Variants in HDAC4 observed in about 807,000 individuals in gnomAD.
HDAC4 encodes histone deacetylase 4, also known as histone deacetylase A.
A neutral mutation model predicts 135.1 loss-of-function variants in HDAC4; 16 were observed. That is an observed-to-expected ratio of 0.12 (90% CI 0.08 to 0.18). HDAC4 has a LOEUF of 0.18. HDAC4 is among the 10% of genes least tolerant of loss of function. The probability of loss-of-function intolerance (pLI) is 1.00; values close to 1 mark genes in which losing one functional copy is unlikely to be tolerated. For missense variants in HDAC4, 1,143 were observed against 1,511.8 expected (o/e 0.76, Z 4.05); for synonymous variants, 685 against 653.4 (o/e 1.05, Z -0.74).
intron 3 of HDAC4, among the ~76,000 whole-genome samples, chr2:239,197,474 C>T (rs543417340): frequency 4.8e-4 from 73 of 152,292 alleles, no homozygotes; most frequent in African/African-American, 1.7e-3. Flanking sequence ...CGGCAGCTCC[C>T]GTGCTCCCAT....
chr2:239,379,113 A>T (rs137899601), intron 1 of HDAC4, among the ~76,000 whole-genome samples: 42 of 152,318 alleles, frequency 2.8e-4, no homozygotes, highest in Middle Eastern at 3.4e-3. Context: ...CAGAAGTGAC[A>T]GGGAGCCCAG....
At chr2:239,100,381 C>A (rs190271814) in intron 16 of HDAC4, among the ~76,000 whole-genome samples, 15 of 152,336 alleles carry the variant, frequency 9.8e-5, no homozygotes, top group Non-Finnish European at 1.5e-4. Flanking sequence ...TCTTTTTCTG[C>A]GGTCAGGTGT....
At chr2:239,122,313 C>T (rs1191864996) in intron 12 of HDAC4, among the ~76,000 whole-genome samples, 3 of 152,200 alleles carry the variant, frequency 2.0e-5, no homozygotes, top group Non-Finnish European at 2.9e-5. Flanking sequence ...GTGGAGGACA[C>T]CTTCCAACGA....
intron 2 of HDAC4, among the ~76,000 whole-genome samples, chr2:239,243,644 T>C (rs2048316357): frequency 6.6e-6 from 1 of 152,222 alleles, no homozygotes; most frequent in South Asian, 2.1e-4. Flanking sequence ...ACAGTCTTCA[T>C]TGCAGCCAAT....
intron 19 of HDAC4, 68 bp downstream of exon 19, chr2:239,087,491 A>G (rs1385356061): frequency 4.1e-6 from 6 of 1,478,372 alleles, no homozygotes; most frequent in Non-Finnish European, 4.7e-6. Flanking sequence ...TCACACACCC[A>G]CCCAGCCCTA....
chr2:239,149,566 C>A (rs563124056), intron 7 of HDAC4, among the ~76,000 whole-genome samples: 1 of 152,136 alleles, frequency 6.6e-6, no homozygotes, highest in Non-Finnish European at 1.5e-5. Flanking sequence ...CTCCATTCAG[C>A]ACTGATGGAA....
chr2:239,300,629 TG>T (rs1295982202), intron 2 of HDAC4, among the ~76,000 whole-genome samples: 1 of 151,774 alleles, frequency 6.6e-6, no homozygotes, highest in Non-Finnish European at 1.5e-5. Flanking sequence ...TCCACCCATG[TG>T]GATGAAGCCA....
chr2:239,201,518 G>T (rs146638680), intron 3 of HDAC4, among the ~76,000 whole-genome samples: 610 of 152,252 alleles, frequency 4.0e-3, no homozygotes, highest in Non-Finnish European at 4.3e-3. Context: ...ACTATTTGCT[G>T]AGAGCCTACA....
At chr2:239,097,605 G>A (rs1266314825) in intron 16 of HDAC4, among the ~76,000 whole-genome samples, 3 of 152,260 alleles carry the variant, frequency 2.0e-5, no homozygotes, top group Non-Finnish European at 4.4e-5. Context: ...CTGACCATGC[G>A]GGGAAGCGGC....
chr2:239,066,568 C>T (rs1009399497), intron 24 of HDAC4, among the ~76,000 whole-genome samples, 154 bp downstream of exon 24: 89 of 152,108 alleles, frequency 5.9e-4, no homozygotes, highest in African/African-American at 2.0e-3. Context: ...TAGAGCTATG[C>T]GGGGGTGGGG....
At chr2:239,086,662 C>T (rs1311210466) in intron 19 of HDAC4, among the ~76,000 whole-genome samples, 8 of 152,224 alleles carry the variant, frequency 5.3e-5, no homozygotes, top group African/African-American at 1.4e-4. Context: ...GGCCCTTTCC[C>T]GGGCCCCTGC....
At chr2:239,179,887 C>A (rs1032752065) in intron 4 of HDAC4, among the ~76,000 whole-genome samples, 4 of 152,256 alleles carry the variant, frequency 2.6e-5, no homozygotes, top group Non-Finnish European at 5.9e-5. Flanking sequence ...GCTGCCCGCA[C>A]GGAGGAACCT....
rs946623721 is a variant in HDAC4, at chr2:239,117,531, A to G, written c.1534-2221T>C. Among the ~76,000 whole-genome samples, 6 of 145,806 alleles carry G rather than the reference A, an allele frequency of 4.1e-5. No individual in the cohort carries two copies. In the Admixed American group the frequency reaches 4.1e-4, roughly 10 times the overall value. On this transcript the variant is annotated intron_variant, in intron 12 of 26. Transcript: ENST00000543185. Reference sequence around the variant, plus strand: ...GTGAGCAGAGCAAAGGCTGGAGTTGAGAACAAGAGGGGAGAGAGGGATGCG... The same window carrying G: ...GTGAGCAGAGCAAAGGCTGGAGTTGGGAACAAGAGGGGAGAGAGGGATGCG...
chr2:239,300,695 C>CT (rs1285066923), intron 2 of HDAC4, among the ~76,000 whole-genome samples: 1 of 152,216 alleles, frequency 6.6e-6, no homozygotes, highest in Non-Finnish European at 1.5e-5. Context: ...AATAGCACAC[C>CT]TTTGTTTCCC....
At position 239,240,557 on chromosome 2, in the gene HDAC4, C is replaced by A. The variant is rs1470601527; in HGVS notation, c.23-3893G>T. ...CCACTTCCTCATCACACGCCTGCTGCAAGCAGGTTCCCCCTTATCTGTCTC... is the reference window on the plus strand; with the variant it reads ...CCACTTCCTCATCACACGCCTGCTGAAAGCAGGTTCCCCCTTATCTGTCTC... On this transcript the variant is annotated intron_variant, in intron 2 of 26. Transcript: ENST00000543185. The surrounding 1 kb of genome is among the most constrained non-coding windows in gnomAD (Gnocchi z 4.5). Among the ~76,000 whole-genome samples, 2 of 152,192 alleles carry A rather than the reference C, an allele frequency of 1.3e-5. No homozygotes were observed. Among genetic ancestry groups the A allele is most frequent in the African/African-American group, 4.8e-5 (2 of 41,450 alleles).
rs1273888343 is a variant in HDAC4, at chr2:239,307,123, G to A, written c.22+45555C>T. ...ATCTCAGGCCACACCCTCCAGCTCT[G>A]TGCCTGCCGTCCATCCTGGGTGCCC... On this transcript the variant is annotated intron_variant, in intron 2 of 26. Transcript: ENST00000543185. The surrounding 1 kb of genome is among the most constrained non-coding windows in gnomAD (Gnocchi z 4.8). Among the ~76,000 whole-genome samples the A allele has an allele frequency of 6.6e-5, 10 of 152,062 alleles. No homozygotes were observed. Among genetic ancestry groups the A allele is most frequent in the Non-Finnish European group, 1.2e-4 (8 of 68,006 alleles).
At chr2:239,126,175 T>C (rs2040173263) in intron 12 of HDAC4, among the ~76,000 whole-genome samples, 1 of 152,084 alleles carries the variant, frequency 6.6e-6, no homozygotes, top group Admixed American at 6.5e-5. Context: ...AGGGCACTGG[T>C]CCAACGGAAC....
At chr2:239,181,056 T>C (rs1258643715) in intron 4 of HDAC4, among the ~76,000 whole-genome samples, 1 of 152,236 alleles carries the variant, frequency 6.6e-6, no homozygotes, top group Non-Finnish European at 1.5e-5. Flanking sequence ...CAGTCACACC[T>C]GTGGTCACAC....
At chr2:239,110,739 C>T (rs540944474) in intron 14 of HDAC4, among the ~76,000 whole-genome samples, 32 of 152,230 alleles carry the variant, frequency 2.1e-4, no homozygotes, top group Non-Finnish European at 3.7e-4. Context: ...ATCATAACAA[C>T]ATGAAGAGCG....
Sources: allele counts gnomAD v4.1 joint callset (sites outside exome capture counted in the v4.1 genomes callset), GRCh38; gene constraint gnomAD v4.1.1; non-coding constraint Gnocchi (gnomAD v3.1); transcripts MANE v1.5; gene names NCBI Gene and HGNC (gene_info 2026-07-23, HGNC 2026-07-21).